MSRA: variants seen among roughly 807,000 people sequenced by gnomAD.
MSRA encodes methionine sulfoxide reductase A.
A neutral mutation model predicts 31.3 loss-of-function variants in MSRA; 54 were observed. That is an observed-to-expected ratio of 1.73 (90% CI 1.39 to 2.17). The LOEUF (loss-of-function observed/expected upper bound fraction) is 2.17, where lower values mean the gene tolerates loss of function less well. Among genes scored for constraint, MSRA ranks in the 30% most tolerant of loss-of-function variants. The pLI is 0.00. For synonymous variants in MSRA, 169 were observed against 116.5 expected, an observed-to-expected ratio of 1.45 and a Z score of -2.90; for missense variants, 507 against 300.9, an observed-to-expected ratio of 1.69 and a Z score of -5.07.
At chr8:10,332,437 G>C (rs1802757021) in intron 5 of MSRA, among the ~76,000 whole-genome samples, 1 of 145,880 alleles carries the variant, frequency 6.9e-6, no homozygotes, top group Admixed American at 6.8e-5. Context: ...ACTTACCTTA[G>C]TCAAAAAGAA....
intron 5 of MSRA, among the ~76,000 whole-genome samples, chr8:10,414,611 C>T (rs1808348067): frequency 6.6e-6 from 1 of 152,238 alleles, no homozygotes. Context: ...CGGTGACATT[C>T]AGAGGAGTCC....
At chr8:10,212,681 C>G (rs1809609971) in intron 2 of MSRA, among the ~76,000 whole-genome samples, 1 of 152,152 alleles carries the variant, frequency 6.6e-6, no homozygotes, top group South Asian at 2.1e-4. Context: ...TGTACTAATA[C>G]TTTCCAGGGA....
At chr8:10,111,807 G>A (rs1249475540) in intron 1 of MSRA, among the ~76,000 whole-genome samples, 2 of 152,172 alleles carry the variant, frequency 1.3e-5, no homozygotes, top group Non-Finnish European at 2.9e-5. Context: ...TATGTGCTGT[G>A]AGATGGTCAC....
intron 1 of MSRA, among the ~76,000 whole-genome samples, chr8:10,145,466 A>AT (rs1362437073): frequency 6.6e-6 from 1 of 152,036 alleles, no homozygotes; most frequent in East Asian, 1.9e-4. Flanking sequence ...GTACCATCTG[A>AT]TTTTTTAGGT....
In MSRA at chr8:10,428,329, G is replaced by A. The variant is rs1809328181; in HGVS notation, c.*17G>A. On this transcript the variant is annotated 3_prime_UTR_variant, in exon 6 of 6. Coordinates refer to ENST00000317173, the MANE Select transcript of MSRA (RefSeq NM_012331.5). ...AAAAAATAATTTCTCCCCACATGGT[G>A]GGCCTTTGAGGTTCCAGTAAAAATG... 5.0e-6 allele frequency: 8 copies of A among 1,608,634 alleles called. No individual in the cohort carries two copies. Among genetic ancestry groups the A allele is most frequent in the South Asian group, 1.1e-5 (1 of 89,784 alleles).
At chr8:10,303,887 T>C (rs1373460897) in intron 4 of MSRA, among the ~76,000 whole-genome samples, 1 of 152,252 alleles carries the variant, frequency 6.6e-6, no homozygotes, top group African/African-American at 2.4e-5. Context: ...CAAACAATCT[T>C]ATGCCCATTA....
rs1364235344 is a variant in MSRA, at chr8:10,149,901, G to GTT, written c.143-57915_143-57914dup. On this transcript the variant is annotated intron_variant, in intron 1 of 5. Coordinates refer to ENST00000317173, the MANE Select transcript of MSRA (RefSeq NM_012331.5). Reference sequence around the variant, plus strand: ...AGCAGATTTTATAAACACTAAGGTGGTTTTTTTTTTTTTTTTTTGGCCAAC... The same window carrying GTT: ...AGCAGATTTTATAAACACTAAGGTGGTTTTTTTTTTTTTTTTTTTTGGCCAAC... 3.7e-3 allele frequency among the ~76,000 whole-genome samples: 22 copies of GTT among 5,888 alleles called. 1 individual carries two copies. Among genetic ancestry groups the GTT allele is most frequent in the African/African-American group, 4.7e-3 (16 of 3,430 alleles). The allele number at this position is 5,888 out of a possible 152,430, so 3.9% of individuals were successfully genotyped here.
At chr8:10,229,883 G>A (rs17693451) in intron 2 of MSRA, among the ~76,000 whole-genome samples, 19,895 of 152,138 alleles carry the variant, frequency 0.13, 1,478 homozygotes, top group East Asian at 0.29. Context: ...TTCTGTGTTT[G>A]ACTCTGCATT....
At chr8:10,316,528 CT>C (rs1801728562) in intron 4 of MSRA, among the ~76,000 whole-genome samples, 1 of 5,376 alleles carries the variant, frequency 1.9e-4, no homozygotes, top group African/African-American at 6.6e-4. Flanking sequence ...TTGATGATCC[CT>C]CTCTCTCTCT....
intron 5 of MSRA, among the ~76,000 whole-genome samples, chr8:10,341,285 G>C (rs1803411116): frequency 1.3e-5 from 2 of 152,318 alleles, no homozygotes; most frequent in Middle Eastern, 3.4e-3. Context: ...GGAAGTTTCT[G>C]ATCATGGAGG....
intron 5 of MSRA, among the ~76,000 whole-genome samples, chr8:10,396,681 C>A (rs1395956355): frequency 6.6e-6 from 1 of 152,176 alleles, no homozygotes; most frequent in Non-Finnish European, 1.5e-5. Context: ...TCTCTTTCCC[C>A]AAGGGAACTG....
intron 1 of MSRA, among the ~76,000 whole-genome samples, chr8:10,167,928 C>T (rs534726692): frequency 1.1e-4 from 17 of 152,210 alleles, no homozygotes; most frequent in South Asian, 2.1e-4. Context: ...AAATGGACCG[C>T]GGAAGAGAGG....
At chr8:10,282,382 T>C (rs1585356473) in intron 3 of MSRA, among the ~76,000 whole-genome samples, 1 of 152,232 alleles carries the variant, frequency 6.6e-6, no homozygotes, top group African/African-American at 2.4e-5. Flanking sequence ...ATATAATTTA[T>C]ACTGACCTCC....
chr8:10,360,620 A>G (rs1172170433), intron 5 of MSRA, among the ~76,000 whole-genome samples: 1 of 152,204 alleles, frequency 6.6e-6, no homozygotes, highest in Non-Finnish European at 1.5e-5. Flanking sequence ...CATGGATTCG[A>G]TAAATGTTTG....
chr8:10,097,197 T>A (rs1174912510), intron 1 of MSRA, among the ~76,000 whole-genome samples: 6 of 152,226 alleles, frequency 3.9e-5, no homozygotes, highest in Non-Finnish European at 7.3e-5. Context: ...ATATGAAATC[T>A]AACAGAGGTG....
chr8:10,329,567 C>T (rs1311379497), intron 5 of MSRA, among the ~76,000 whole-genome samples: 1 of 152,226 alleles, frequency 6.6e-6, no homozygotes, highest in African/African-American at 2.4e-5. Flanking sequence ...ATAACATTCA[C>T]AGGTTTTAGG....
chr8:10,296,728 G>A (rs1011820616), intron 3 of MSRA, among the ~76,000 whole-genome samples: 4 of 152,304 alleles, frequency 2.6e-5, no homozygotes, highest in East Asian at 1.9e-4. Context: ...CCCCAGCATG[G>A]GTGTGGGTCC....
chr8:10,318,370 A>G (rs543617760), intron 4 of MSRA, among the ~76,000 whole-genome samples: 46 of 152,278 alleles, frequency 3.0e-4, no homozygotes, highest in African/African-American at 1.1e-3. Context: ...CAGGCTCGTG[A>G]CTACTCTTAC....
At chr8:10,323,776 C>G (rs78163137) in intron 5 of MSRA, among the ~76,000 whole-genome samples, 368 of 48,628 alleles carry the variant, frequency 7.6e-3, no homozygotes, top group Admixed American at 0.016. Flanking sequence ...GTGTGTGTGT[C>G]TGTGTCTGTC....
Sources: allele counts gnomAD v4.1 joint callset (sites outside exome capture counted in the v4.1 genomes callset), GRCh38; gene constraint gnomAD v4.1.1; transcripts MANE v1.5; gene names NCBI Gene and HGNC (gene_info 2026-07-23, HGNC 2026-07-21).